Variants in CDNF observed in about 807,000 individuals in gnomAD.
The protein encoded by CDNF is cerebral dopamine neurotrophic factor, also known as ARMET-like protein 1.
Under a neutral mutation model 14.8 loss-of-function variants are expected in CDNF, and 9 were observed. The ratio of observed to expected loss-of-function variants is 0.61; its 90% CI spans 0.37 to 1.06. The LOEUF (loss-of-function observed/expected upper bound fraction) is 1.06. Among genes scored for constraint, CDNF ranks in the 50% least tolerant of loss-of-function variants. The probability of loss-of-function intolerance (pLI) is 0.01; values close to 1 mark genes in which losing one functional copy is unlikely to be tolerated. For missense variants in CDNF, 228 were observed against 228.4 expected, an observed-to-expected ratio of 1.00 and a Z score of 0.01; for synonymous variants, 86 against 87.2, an observed-to-expected ratio of 0.99 and a Z score of 0.07.
chr10:14,824,610 A>AG (rs1312305856), intron 3 of CDNF, among the ~76,000 whole-genome samples: 1 of 132,846 alleles, frequency 7.5e-6, no homozygotes, highest in Non-Finnish European at 1.7e-5. Context: ...CCCCTCAAAA[A>AG]AAAAAAAAAA....
At chr10:14,826,033 A>AG (rs1588794824) in intron 2 of CDNF, among the ~76,000 whole-genome samples, 7 of 39,584 alleles carry the variant, frequency 1.8e-4, no homozygotes, top group African/African-American at 5.6e-4. Flanking sequence ...AAGAAGGAGA[A>AG]GAAGAAGAAG....
chr10:14,835,230 T>C lies in CDNF; in HGVS notation c.115+2602A>G, dbSNP rs555722686. Among the ~76,000 whole-genome samples the C allele has an allele frequency of 2.6e-5, 4 of 152,154 alleles. No individual in the cohort carries two copies. The South Asian group carries it at 6.2e-4, about 24-fold the overall frequency. ...GGTCAGTGGATATAAGGTTAGAGAT[T>C]TATTAGACTGGAGGTAGGTTGGTTT... On this transcript the variant is annotated intron_variant, in intron 1 of 3. Transcript: ENST00000465530.
Position 14,821,399 on chromosome 10 carries a change from C to G in CDNF, c.386-1241G>C, listed in dbSNP as rs572135842. ...ACGGCCTCCCAAAGTGCTGGAATTA[C>G]AGGCGTGAGCCACCGCGCCTGGCCA... On this transcript the variant is annotated intron_variant, in intron 3 of 3. Coordinates refer to ENST00000465530, the MANE Select transcript of CDNF (RefSeq NM_001029954.3). Among the ~76,000 whole-genome samples the G allele has an allele frequency of 3.3e-5, 5 of 152,342 alleles. No homozygotes were observed. The South Asian group carries it at 8.3e-4, about 25-fold the overall frequency.
intron 3 of CDNF, among the ~76,000 whole-genome samples, chr10:14,824,922 G>C (rs191657746): frequency 6.6e-6 from 1 of 152,006 alleles, no homozygotes; most frequent in African/African-American, 2.4e-5. Flanking sequence ...CTTTGCCTTG[G>C]TGTGTTAGGA....
intron 3 of CDNF, among the ~76,000 whole-genome samples, chr10:14,823,943 C>G (rs867434436): frequency 2.0e-5 from 3 of 152,324 alleles, no homozygotes; most frequent in East Asian, 3.9e-4. Context: ...AGGGCTTGTG[C>G]TTTGCAAGTT....
chr10:14,830,043 G>A (rs1200143772), intron 1 of CDNF, among the ~76,000 whole-genome samples: 2 of 152,166 alleles, frequency 1.3e-5, no homozygotes, highest in Non-Finnish European at 1.5e-5. Context: ...TATTTGTGAA[G>A]ATTGTTTGAA....
At chr10:14,821,581 G>A (rs890028433) in intron 3 of CDNF, among the ~76,000 whole-genome samples, 1 of 152,200 alleles carries the variant, frequency 6.6e-6, no homozygotes, top group African/African-American at 2.4e-5. Context: ...TAGTGTCTGA[G>A]TATGGTCCCA....
Position 14,826,194 on chromosome 10 carries a change from CAGA to C in CDNF, c.244-577_244-575del, listed in dbSNP as rs372563801. On this transcript the variant is annotated intron_variant, in intron 2 of 3. Transcript: ENST00000465530. ...GAAGCAGCAGCAGAAGCAGAAGCAG[CAGA>C]AGAAGAAGAAGAAGAAGAAGAAGCA... Among the ~76,000 whole-genome samples the C allele has an allele frequency of 5.7e-3, 645 of 113,278 alleles. 8 individuals are homozygous for C. The highest frequency in any genetic ancestry group is 0.016 in the East Asian group (58 of 3,538). 74.3% of individuals were successfully genotyped at this position (113,278 alleles called of 152,430 possible). A position where few individuals can be genotyped will look rare whatever the true frequency, so the allele number is the denominator to read the frequency against.
chr10:14,836,301 A>G (rs1157608424), intron 1 of CDNF: 1 of 152,244 alleles, frequency 6.6e-6, no homozygotes, highest in Middle Eastern at 3.2e-3. Context: ...TTACCTAACA[A>G]ATGAAATATA....
intron 1 of CDNF, among the ~76,000 whole-genome samples, chr10:14,830,393 G>A (rs1478066107): frequency 6.6e-6 from 1 of 152,164 alleles, no homozygotes; most frequent in Non-Finnish European, 1.5e-5. Flanking sequence ...GCCACTGCAG[G>A]GGTGTGCCTC....
At chr10:14,828,643 C>T (rs1012523005) in intron 1 of CDNF, among the ~76,000 whole-genome samples, 1 of 151,598 alleles carries the variant, frequency 6.6e-6, no homozygotes, top group African/African-American at 2.4e-5. Flanking sequence ...AAGACTCCAT[C>T]TCACACACAA....
At chr10:14,831,629 A>G (rs1448359011) in intron 1 of CDNF, among the ~76,000 whole-genome samples, 2 of 151,760 alleles carry the variant, frequency 1.3e-5, no homozygotes, top group Non-Finnish European at 2.9e-5. Context: ...GCTAGAGTGC[A>G]GTGGTGTGAT....
At chr10:14,826,025 GAA>G (rs1564313247) in intron 2 of CDNF, among the ~76,000 whole-genome samples, 11 of 119,956 alleles carry the variant, frequency 9.2e-5, no homozygotes, top group African/African-American at 2.8e-4. Context: ...AGAAGAAGAA[GAA>G]GGAGAAGAAG....
rs1018742163 is a variant in CDNF, at chr10:14,819,928, G to A, written c.*52C>T. On this transcript the variant is annotated 3_prime_UTR_variant, in exon 4 of 4. Transcript: ENST00000465530. ...CCTTAATCAACATGTCCATATCCTAGAGAGTCACTTTTCTCTCTAATTACA... is the reference window on the plus strand; with the variant it reads ...CCTTAATCAACATGTCCATATCCTAAAGAGTCACTTTTCTCTCTAATTACA... 1.6e-5 allele frequency: 24 copies of A among 1,537,774 alleles called. No homozygotes were observed. Among genetic ancestry groups the A allele is most frequent in the Non-Finnish European group, 2.1e-5 (24 of 1,124,658 alleles).
chr10:14,823,411 C>G (rs1833753932), intron 3 of CDNF, among the ~76,000 whole-genome samples: 1 of 152,102 alleles, frequency 6.6e-6, no homozygotes, highest in Non-Finnish European at 1.5e-5. Flanking sequence ...TCTGATTTTT[C>G]TATTGTTTAA....
chr10:14,837,818 G>A lies in CDNF; in HGVS notation c.115+14C>T. The A allele has an allele frequency of 6.5e-7, 1 of 1,527,146 alleles. No homozygotes were observed. The highest frequency in any genetic ancestry group is 8.9e-7 in the Non-Finnish European group (1 of 1,122,714). 94.6% of individuals were successfully genotyped at this position (1,527,146 alleles called of 1,614,324 possible). On this transcript the variant is annotated intron_variant, in intron 1 of 3. Transcript: ENST00000465530. The stretch of plus-strand genomic sequence containing the variant: ...CGGGGCCGCCGCCATGCAAGCAGTT[G>A]TCACACCGCTCACCTTCACAGTCGG...
chr10:14,820,191 A>G, intron 3 of CDNF, 33 bp from the exon 4 acceptor site: 3 of 1,600,726 alleles, frequency 1.9e-6, no homozygotes, highest in Non-Finnish European at 2.6e-6. Flanking sequence ...GCCAATTACA[A>G]AATAAATGGA....
intron 2 of CDNF, among the ~76,000 whole-genome samples, chr10:14,826,044 A>C (rs1190165244): frequency 6.3e-5 from 7 of 111,808 alleles, no homozygotes; most frequent in East Asian, 2.4e-4. Context: ...GAAGAAGAAG[A>C]AGAAGAAGAA....
intron 3 of CDNF, among the ~76,000 whole-genome samples, chr10:14,820,525 G>A (rs1048120101): frequency 1.3e-5 from 2 of 152,002 alleles, no homozygotes; most frequent in Admixed American, 6.6e-5. Flanking sequence ...TCAGGAATTC[G>A]AGACCAGCCT....
Sources: allele counts gnomAD v4.1 joint callset (sites outside exome capture counted in the v4.1 genomes callset), GRCh38; gene constraint gnomAD v4.1.1; transcripts MANE v1.5; gene names NCBI Gene and HGNC (gene_info 2026-07-23, HGNC 2026-07-21).